Variants in SCRIB observed in about 807,000 individuals in gnomAD.
SCRIB encodes the protein scribble planar cell polarity protein.
A neutral mutation model predicts 170.0 loss-of-function variants in SCRIB; 72 were observed. That is an observed-to-expected ratio of 0.42 (90% CI 0.35 to 0.52). The LOEUF is 0.52. Ranked by LOEUF, SCRIB falls within the 20% of genes least tolerant of loss-of-function variation. The pLI, the probability that SCRIB is intolerant of heterozygous loss-of-function variation, is 0.02. For synonymous variants in SCRIB, 1,298 were observed against 1,044.3 expected (o/e 1.24, Z -4.68); for missense variants, 2,475 against 2,338.5 (o/e 1.06, Z -1.20).
intron 27 of SCRIB, chr8:143,794,330 T>C (rs1236690579): frequency 1.6e-5 from 4 of 255,774 alleles, no homozygotes; most frequent in Non-Finnish European, 3.0e-5. Flanking sequence ...CAGGGCTCAG[T>C]GGCGCCCTGA....
At chr8:143,796,846 C>A (rs781900451) in intron 24 of SCRIB, among the ~76,000 whole-genome samples, 1 of 152,192 alleles carries the variant, frequency 6.6e-6, no homozygotes, top group African/African-American at 2.4e-5. Flanking sequence ...GGTAGCCCGG[C>A]CTCTCATGTC....
Position 143,803,394 on chromosome 8 carries a change from C to T in SCRIB, c.3592G>A (p.Ala1198Thr), listed in dbSNP as rs547069790. The T allele has an allele frequency of 1.8e-5, 28 of 1,578,728 alleles. No homozygotes were observed. In the African/African-American group the frequency reaches 2.1e-4, roughly 12 times the overall value. ...GCGGGATCGCTAACCTCCAGGGCTG[C>T]GTCGGTGCTGGCCTCAAAGCCGTCA... ...VCDGFEASTD[A>T]ALEVSPGVIA... Residue 1198 changes from alanine (A) to threonine (T), a missense_variant, in exon 24 of 37, where the codon GCA becomes ACA. Physicochemically the swap from Ala to Thr is moderately conservative, Grantham distance 58. Coordinates refer to ENST00000356994, the MANE Select transcript of SCRIB (RefSeq NM_182706.5).
Position 143,805,170 on chromosome 8 carries a change from C to T in SCRIB, c.2612G>A (p.Gly871Glu), listed in dbSNP as rs781957968. The T allele has an allele frequency of 6.3e-6, 10 of 1,574,848 alleles. No homozygotes were observed. The highest frequency in any genetic ancestry group is 1.3e-5 in the African/African-American group (1 of 74,078). ...CCCACCAGCAATGCTGAAGCCCAGC[C>T]CCCTCTCGCTGCGTGCCAGGCAGGC... is the stretch of plus-strand genomic sequence containing the variant. The part of the protein sequence containing the change: ...HVACLARSER[G>E]LGFSIAGGKG... Residue 871 changes from glycine (G) to glutamate (E), a missense_variant, in exon 19 of 37, where the codon GGG (glycine) becomes GAG (glutamate). Physicochemically the swap from Gly to Glu is moderately conservative, Grantham distance 98. Transcript: ENST00000356994.
intron 13 of SCRIB, among the ~76,000 whole-genome samples, 168 bp downstream of exon 13, chr8:143,810,311 T>A (rs533070948): frequency 6.6e-6 from 1 of 152,150 alleles, no homozygotes; most frequent in East Asian, 1.9e-4. Context: ...CCTGGCACCC[T>A]TCACCCAGCT....
chr8:143,815,519 G>C lies in SCRIB; in HGVS notation c.-147C>G. ...CGAGACTGGACGGGGACGCGGCCGC[G>C]GCCGGCGCTGGGCCCGGCCCGCGCT... On this transcript the variant is annotated 5_prime_UTR_variant, in exon 1 of 37. Transcript: ENST00000356994. 1.0e-6 allele frequency: 1 copy of C among 984,300 alleles called. No individual in the cohort carries two copies. Among genetic ancestry groups the C allele is most frequent in the South Asian group, 4.5e-5 (1 of 22,006 alleles). 61.0% of individuals were successfully genotyped at this position (984,300 alleles called of 1,614,324 possible).
intron 4 of SCRIB, 39 bp downstream of exon 4, chr8:143,813,598 C>G: frequency 6.2e-7 from 1 of 1,611,542 alleles, no homozygotes; most frequent in South Asian, 1.1e-5. Context: ...CAATCCTGGT[C>G]CCCCACCCCA....
At chr8:143,800,474 G>A (rs1815128985) in intron 24 of SCRIB, among the ~76,000 whole-genome samples, 2 of 152,214 alleles carry the variant, frequency 1.3e-5, no homozygotes, top group African/African-American at 2.4e-5. Context: ...GGGCGGCCAG[G>A]CTTCTGCCAG....
intron 14 of SCRIB, among the ~76,000 whole-genome samples, 162 bp downstream of exon 14, chr8:143,809,389 G>A (rs558125214): frequency 1.3e-5 from 2 of 152,208 alleles, no homozygotes; most frequent in East Asian, 3.9e-4. Context: ...CAGCAGCACG[G>A]CCCTGCACCA....
chr8:143,815,067 G>T, intron 1 of SCRIB, 147 bp downstream of exon 1: 3 of 918,612 alleles, frequency 3.3e-6, no homozygotes, highest in Non-Finnish European at 4.5e-6. Flanking sequence ...GAAGAGAAGG[G>T]TGGGGCTGGC....
rs1815883305 is a variant in SCRIB at position 143,813,882 on chromosome 8, G to A, written c.292C>T (p.Pro98Ser). 1 of 1,608,282 alleles carries A rather than the reference G, an allele frequency of 6.2e-7. No homozygotes were observed. ...DVSRNDIPEI[P>S]ESIKFCKALE... is the part of the protein sequence containing the mutation. ...GCCTTGCAGAACTTGATGCTCTCCG[G>A]GATCTCAGGGATATCTGTCACAGAG... Residue 98 changes from proline (P) to serine (S), a missense_variant, in exon 3 of 37, where the codon CCG becomes TCG. This residue lies in a region of SCRIB where 487 missense variants were observed against 558.1 expected (regional missense o/e 0.87). Transcript: ENST00000356994.
Position 143,792,016 on chromosome 8 carries a change from G to A in SCRIB, c.4632C>T (p.Pro1544=), listed in dbSNP as rs781905686. The A allele has an allele frequency of 3.9e-6, 6 of 1,547,320 alleles. No individual in the cohort carries two copies. In the East Asian group the frequency reaches 7.2e-5, roughly 18 times the overall value. The change falls in exon 33 of 37, where the codon CCC becomes CCT. Residue 1544 remains proline, a synonymous_variant. Coordinates refer to ENST00000356994, the MANE Select transcript of SCRIB (RefSeq NM_182706.5). ...ERLAEAPSPA[P]TPSPTPVEDL... ...CTTCCACAGGGGTGGGCGACGGGGT[G>A]GGCGCAGGGGAAGGGGCCTCGGCCA...
At chr8:143,793,417 AG>A (rs1186005783) in intron 28 of SCRIB, 4 of 203,282 alleles carry the variant, frequency 2.0e-5, no homozygotes, top group East Asian at 6.1e-5. Context: ...GGGGGTAGAG[AG>A]GGGGGTGGGA....
At chr8:143,792,671 C>T (rs781884982) in intron 30 of SCRIB, 36 bp from the exon 31 acceptor site, 9 of 1,590,978 alleles carry the variant, frequency 5.7e-6, no homozygotes, top group East Asian at 2.2e-5. Flanking sequence ...CCAGACCAGC[C>T]GAGACCCAAC....
Position 143,795,164 on chromosome 8 carries a change from C to T in SCRIB, c.3772-52G>A, listed in dbSNP as rs782358478. The stretch of plus-strand genomic sequence containing the variant: ...GCAGGGGTAGCTCCGTGGCAGCACC[C>T]GGCCAGCACAGGGCAGGAGAGGGGG... On this transcript the variant is annotated intron_variant, in intron 26 of 36. Transcript: ENST00000356994. The T allele has an allele frequency of 1.1e-5, 17 of 1,600,262 alleles. No individual in the cohort carries two copies. In the Admixed American group the frequency reaches 1.2e-4, roughly 11 times the overall value.
In SCRIB at chr8:143,808,930, C is replaced by G. The variant is rs551186044; in HGVS notation, c.1794G>C (p.Gly598=). The stretch of plus-strand genomic sequence containing the variant: ...TGTCCTTGCGGATGAGCCGCTGCCT[C>G]CCGCCTGGCAGGGTCCAGGGGGCCT... The part of the protein sequence containing the change: ...QPEAPWTLPG[G]RQRLIRKDTP... The change falls in exon 15 of 37, where the codon GGG becomes GGC. Residue 598 remains glycine, a synonymous_variant. Transcript: ENST00000356994. 1 of 1,612,156 alleles carries G rather than the reference C, an allele frequency of 6.2e-7. No homozygotes were observed. Among genetic ancestry groups the G allele is most frequent in the Admixed American group, 1.7e-5 (1 of 60,024 alleles).
At position 143,809,133 on chromosome 8, in the gene SCRIB, A is replaced by C. The variant is rs762164894; in HGVS notation, c.1699-108T>G. ...GACGGGCTCCGAAAGCCTCCCCGCCACACAAAGACTCAGCACTAACTGCCC... is the reference window on the plus strand; with the variant it reads ...GACGGGCTCCGAAAGCCTCCCCGCCCCACAAAGACTCAGCACTAACTGCCC... On this transcript the variant is annotated intron_variant, in intron 14 of 36. Coordinates refer to ENST00000356994, the MANE Select transcript of SCRIB (RefSeq NM_182706.5). The C allele has an allele frequency of 2.1e-6, 3 of 1,406,314 alleles. No individual in the cohort carries two copies. The African/African-American group carries it at 4.3e-5, about 20-fold the overall frequency. The allele number at this position is 1,406,314 out of a possible 1,614,324, so 87.1% of individuals were successfully genotyped here. A position where few individuals can be genotyped will look rare whatever the true frequency, so the allele number is the denominator to read the frequency against.
At chr8:143,799,961 G>C (rs182751552) in intron 24 of SCRIB, among the ~76,000 whole-genome samples, 133 of 152,212 alleles carry the variant, frequency 8.7e-4, no homozygotes, top group Middle Eastern at 6.8e-3. Context: ...CACAGGGCCA[G>C]GCAGACAGAC....
Position 143,803,421 on chromosome 8 carries a change from A to C in SCRIB, c.3565T>G (p.Cys1189Gly). ...SVGDTLTVLV[C>G]DGFEASTDAA... ...TCGGTGCTGGCCTCAAAGCCGTCAC[A>C]GACCAGCACGGTGAGGGTGTCGCCC... The change falls in exon 24 of 37, where the codon TGT becomes GGT. Residue 1189 changes from cysteine to glycine, a missense_variant. Coordinates refer to ENST00000356994, the MANE Select transcript of SCRIB (RefSeq NM_182706.5). 6.3e-7 allele frequency: 1 copy of C among 1,593,036 alleles called. No individual in the cohort carries two copies. Among genetic ancestry groups the C allele is most frequent in the Non-Finnish European group, 8.5e-7 (1 of 1,175,006 alleles).
intron 24 of SCRIB, among the ~76,000 whole-genome samples, chr8:143,801,095 C>T (rs1248236595): frequency 6.6e-6 from 1 of 152,266 alleles, no homozygotes; most frequent in Non-Finnish European, 1.5e-5. Flanking sequence ...GCTCACAACT[C>T]ACTGGGACCA....
Sources: allele counts gnomAD v4.1 joint callset (sites outside exome capture counted in the v4.1 genomes callset), GRCh38; gene constraint gnomAD v4.1.1; regional missense constraint gnomAD v4.1.1; transcripts MANE v1.5; gene names NCBI Gene and HGNC (gene_info 2026-07-23, HGNC 2026-07-21).